Variants in IMMP2L observed in about 807,000 individuals in gnomAD.
IMMP2L encodes the protein mitochondrial inner membrane protease subunit 2.
A neutral mutation model predicts 19.3 loss-of-function variants in IMMP2L; 18 were observed. The observed-to-expected ratio is 0.93, with a 90% confidence interval of 0.64 to 1.38. IMMP2L has a LOEUF of 1.38. Ranked by LOEUF, IMMP2L falls within the 40% of genes most tolerant of loss-of-function variation. IMMP2L has a pLI of 0.00. For synonymous variants in IMMP2L, 76 were observed against 73.0 expected (o/e 1.04, Z -0.21); for missense variants, 233 against 218.2 (o/e 1.07, Z -0.43).
chr7:111,287,654 T>C (rs2130788521), intron 3 of IMMP2L, among the ~76,000 whole-genome samples: 1 of 152,300 alleles, frequency 6.6e-6, no homozygotes, highest in South Asian at 2.1e-4. Flanking sequence ...TGTTCAAAGT[T>C]GTTATGAAAT....
intron 3 of IMMP2L, among the ~76,000 whole-genome samples, chr7:111,463,728 G>C (rs1326257018): frequency 6.6e-6 from 1 of 152,014 alleles, no homozygotes; most frequent in East Asian, 1.9e-4. Context: ...CTTCACTATT[G>C]TTCAATGGTT....
intron 5 of IMMP2L, among the ~76,000 whole-genome samples, chr7:110,834,172 C>A (rs1804219052): frequency 6.6e-6 from 1 of 152,032 alleles, no homozygotes; most frequent in Non-Finnish European, 1.5e-5. Context: ...TTCAAATATT[C>A]TTTATGAATA....
At chr7:111,200,179 T>G (rs1809947411) in intron 3 of IMMP2L, among the ~76,000 whole-genome samples, 1 of 152,122 alleles carries the variant, frequency 6.6e-6, no homozygotes, top group African/African-American at 2.4e-5. Context: ...CTTACTTTTC[T>G]GTATCCTTTC....
At chr7:111,090,448 T>G (rs540324123) in intron 3 of IMMP2L, among the ~76,000 whole-genome samples, 3 of 152,100 alleles carry the variant, frequency 2.0e-5, no homozygotes, top group African/African-American at 4.8e-5. Flanking sequence ...CATATGTAGC[T>G]CCTAGATTTA....
rs77422243 is a variant in IMMP2L at position 111,026,148 on chromosome 7, T to C, written c.240-62583A>G. On this transcript the variant is annotated intron_variant, in intron 3 of 5. Coordinates refer to ENST00000405709, the MANE Select transcript of IMMP2L (RefSeq NM_032549.4). ...ATAGAATTTGGTAAAACTAAGTCTA[T>C]AACAGTCACAACCATTGTGTAATTT... is the stretch of plus-strand genomic sequence containing the variant. 1.9e-3 allele frequency among the ~76,000 whole-genome samples: 286 copies of C among 152,278 alleles called. 2 individuals carry two copies. Among genetic ancestry groups the C allele is most frequent in the African/African-American group, 6.5e-3 (269 of 41,574 alleles).
intron 5 of IMMP2L, among the ~76,000 whole-genome samples, chr7:110,688,665 T>C (rs1188753629): frequency 6.6e-6 from 1 of 152,070 alleles, no homozygotes; most frequent in Non-Finnish European, 1.5e-5. Context: ...AATTATGATG[T>C]ATTCTAATAC....
chr7:110,798,929 T>C (rs997580930), intron 5 of IMMP2L, among the ~76,000 whole-genome samples: 3 of 152,050 alleles, frequency 2.0e-5, no homozygotes, highest in Non-Finnish European at 2.9e-5. Context: ...GCAGATAATA[T>C]AGAAAGGCTT....
At chr7:111,441,786 A>G (rs1480752069) in intron 3 of IMMP2L, among the ~76,000 whole-genome samples, 1 of 151,698 alleles carries the variant, frequency 6.6e-6, no homozygotes, top group Non-Finnish European at 1.5e-5. Context: ...AATTTTTTAA[A>G]AAAGTGTTCT....
At chr7:110,842,760 G>C (rs1037809616) in intron 5 of IMMP2L, among the ~76,000 whole-genome samples, 3 of 152,066 alleles carry the variant, frequency 2.0e-5, no homozygotes, top group Non-Finnish European at 2.9e-5. Context: ...ATTTTCTTAG[G>C]AATCTTTTTT....
At chr7:111,163,908 T>G (rs576289907) in intron 3 of IMMP2L, among the ~76,000 whole-genome samples, 5 of 152,108 alleles carry the variant, frequency 3.3e-5, no homozygotes, top group African/African-American at 1.2e-4. Context: ...AAGACTAGAA[T>G]AGATGGGGAG....
chr7:111,413,659 T>A (rs1427157739), intron 3 of IMMP2L, among the ~76,000 whole-genome samples: 1 of 133,438 alleles, frequency 7.5e-6, no homozygotes, highest in Non-Finnish European at 1.7e-5. Context: ...TCAGTCCTAA[T>A]TTAAGAAAAA....
At chr7:110,807,048 G>C (rs1801681985) in intron 5 of IMMP2L, among the ~76,000 whole-genome samples, 1 of 151,930 alleles carries the variant, frequency 6.6e-6, no homozygotes, top group Non-Finnish European at 1.5e-5. Flanking sequence ...TAAGTAGTCA[G>C]TCCCCATCTC....
At chr7:111,003,190 A>G (rs1057286958) in intron 3 of IMMP2L, among the ~76,000 whole-genome samples, 2 of 152,130 alleles carry the variant, frequency 1.3e-5, no homozygotes, top group Admixed American at 1.3e-4. Context: ...TAAAACTGTT[A>G]TTACTAATAA....
intron 3 of IMMP2L, among the ~76,000 whole-genome samples, chr7:111,216,907 A>C (rs991405913): frequency 6.6e-6 from 1 of 152,082 alleles, no homozygotes; most frequent in Non-Finnish European, 1.5e-5. Flanking sequence ...ACACCTTTGA[A>C]GGGTGGGGGA....
chr7:111,094,107 C>G (rs1256741497), intron 3 of IMMP2L, among the ~76,000 whole-genome samples: 1 of 152,010 alleles, frequency 6.6e-6, no homozygotes, highest in Non-Finnish European at 1.5e-5. Flanking sequence ...TTGCTTTCGC[C>G]ATGTGATGGG....
rs2129595159 is a variant in IMMP2L, at chr7:111,134,263, A to G, written c.240-170698T>C. On this transcript the variant is annotated intron_variant, in intron 3 of 5. Coordinates refer to ENST00000405709, the MANE Select transcript of IMMP2L (RefSeq NM_032549.4). ...TATAATACCAGACATACTTCTAACT[A>G]CCTAGATTTTTATATCACTTTCTTC... Among the ~76,000 whole-genome samples, 3 of 152,096 alleles carry G rather than the reference A, an allele frequency of 2.0e-5. 1 individual carries two copies. The South Asian group carries it at 6.2e-4, about 32-fold the overall frequency.
intron 2 of IMMP2L, among the ~76,000 whole-genome samples, chr7:111,495,052 A>G (rs1443368733): frequency 2.0e-5 from 3 of 152,130 alleles, no homozygotes; most frequent in Admixed American, 2.0e-4. Flanking sequence ...TTTAATATGC[A>G]TAATTAGTTA....
At chr7:110,707,219 T>C (rs1261299018) in intron 5 of IMMP2L, among the ~76,000 whole-genome samples, 2 of 60,528 alleles carry the variant, frequency 3.3e-5, no homozygotes, top group East Asian at 4.9e-4. Context: ...TGTGATCTCA[T>C]TGTTCAATTC....
intron 3 of IMMP2L, among the ~76,000 whole-genome samples, chr7:111,023,209 A>C (rs528498444): frequency 6.6e-6 from 1 of 152,312 alleles, no homozygotes; most frequent in South Asian, 2.1e-4. Flanking sequence ...ATCTGCAGTA[A>C]TGTAAGGGAT....
Sources: allele counts gnomAD v4.1 joint callset (sites outside exome capture counted in the v4.1 genomes callset), GRCh38; gene constraint gnomAD v4.1.1; transcripts MANE v1.5; gene names NCBI Gene and HGNC (gene_info 2026-07-23, HGNC 2026-07-21).